The following KCNK2 variants were observed in gnomAD, a reference collection of about 807,000 sequenced individuals.
KCNK2 encodes the protein potassium channel subfamily K member 2.
A neutral mutation model predicts 40.5 loss-of-function variants in KCNK2; 21 were observed. The ratio of observed to expected loss-of-function variants is 0.52; its 90% CI spans 0.37 to 0.75. The LOEUF is 0.75. Among genes scored for constraint, KCNK2 ranks in the 30% least tolerant of loss-of-function variants. KCNK2 has a pLI of 0.00. For missense variants in KCNK2, 399 were observed against 531.6 expected (o/e 0.75, Z 2.45); for synonymous variants, 191 against 202.2 (o/e 0.94, Z 0.47).
chr1:215,122,572 G>C (rs910841381), intron 2 of KCNK2, among the ~76,000 whole-genome samples: 4 of 151,724 alleles, frequency 2.6e-5, no homozygotes, highest in African/African-American at 7.3e-5. Context: ...TTCATGATAA[G>C]GGTTATATAA....
intron 5 of KCNK2, among the ~76,000 whole-genome samples, chr1:215,185,871 A>C (rs1245605483): frequency 6.6e-6 from 1 of 152,222 alleles, no homozygotes; most frequent in African/African-American, 2.4e-5. Flanking sequence ...TGTTATATTG[A>C]ACTTTTCTGA....
At chr1:215,140,138 C>T (rs1662110926) in intron 3 of KCNK2, among the ~76,000 whole-genome samples, 1 of 152,082 alleles carries the variant, frequency 6.6e-6, no homozygotes, top group Admixed American at 6.6e-5. Context: ...TAAACAATGA[C>T]TCAGGTATTA....
At chr1:215,055,730 T>C (rs1658134784) in intron 1 of KCNK2, among the ~76,000 whole-genome samples, 1 of 152,212 alleles carries the variant, frequency 6.6e-6, no homozygotes, top group Non-Finnish European at 1.5e-5. Flanking sequence ...CTGTATCTGG[T>C]AGGAATGTTT....
At chr1:215,029,002 A>G (rs150646724) in intron 1 of KCNK2, among the ~76,000 whole-genome samples, 2,795 of 151,942 alleles carry the variant, frequency 0.018, 40 homozygotes, top group Non-Finnish European at 0.025. Flanking sequence ...AGTTCATAGC[A>G]AAATTCACTG....
intron 2 of KCNK2, among the ~76,000 whole-genome samples, chr1:215,117,556 A>G (rs1661000770): frequency 6.6e-6 from 1 of 152,140 alleles, no homozygotes; most frequent in African/African-American, 2.4e-5. Context: ...TCAAAACACA[A>G]GTACTATTCT....
rs192800444 is a variant in KCNK2, at chr1:215,071,080, T to G, written c.35-15288T>G. 5.9e-5 allele frequency among the ~76,000 whole-genome samples: 9 copies of G among 152,354 alleles called. No individual in the cohort carries two copies. In the East Asian group the frequency reaches 1.2e-3, roughly 20 times the overall value. ...GCTTAATTTTCCTCATCATATCTTG[T>G]TTTTATTTAAATTATAGTTAGCAGA... On this transcript the variant is annotated intron_variant, in intron 1 of 6. Coordinates refer to the KCNK2 transcript ENST00000391895.
chr1:215,110,665 A>T (rs538628343), intron 2 of KCNK2, among the ~76,000 whole-genome samples: 79 of 152,128 alleles, frequency 5.2e-4, no homozygotes, highest in Non-Finnish European at 1.0e-3. Flanking sequence ...ACATTTTTTT[A>T]AAATTTAATA....
rs532125486 is a variant in KCNK2 at position 215,190,427 on chromosome 1, A to G, written c.824-4526A>G. Among the ~76,000 whole-genome samples, 6 of 152,344 alleles carry G rather than the reference A, an allele frequency of 3.9e-5. No individual in the cohort carries two copies. The South Asian group carries it at 1.0e-3, about 26-fold the overall frequency. On this transcript the variant is annotated intron_variant, in intron 5 of 6. Transcript: ENST00000444842. ...GTGGATAAATGATAAGAAGGACAGT[A>G]GGTGACATCATAGGTGACGTGGACC...
chr1:215,070,112 T>C (rs1362430646), intron 1 of KCNK2, among the ~76,000 whole-genome samples: 1 of 152,036 alleles, frequency 6.6e-6, no homozygotes, highest in Non-Finnish European at 1.5e-5. Flanking sequence ...GGGTAATTTA[T>C]ATAGGAAACA....
At chr1:215,209,037 G>C (rs867281555) in intron 6 of KCNK2, among the ~76,000 whole-genome samples, 1 of 151,290 alleles carries the variant, frequency 6.6e-6, no homozygotes, top group African/African-American at 2.4e-5. Context: ...ATGTTGGCCA[G>C]GCTGGTCTCA....
At chr1:215,007,454 G>C (rs1212572063) in intron 1 of KCNK2, among the ~76,000 whole-genome samples, 2 of 151,704 alleles carry the variant, frequency 1.3e-5, no homozygotes, top group Non-Finnish European at 2.9e-5. Flanking sequence ...GTAGCTCTTG[G>C]AGTCAAATTT....
chr1:215,008,221 C>T (rs757682586), intron 1 of KCNK2, among the ~76,000 whole-genome samples: 12 of 151,418 alleles, frequency 7.9e-5, no homozygotes, highest in Admixed American at 4.6e-4. Flanking sequence ...CAAAAGGAAA[C>T]CTGTAGGTTT....
intron 3 of KCNK2, among the ~76,000 whole-genome samples, chr1:215,133,817 G>A (rs1330158353): frequency 6.6e-6 from 1 of 152,088 alleles, no homozygotes; most frequent in Non-Finnish European, 1.5e-5. Context: ...AAATGGAAAG[G>A]AATTCCATAC....
chr1:215,044,610 T>G (rs1261841883), intron 1 of KCNK2, among the ~76,000 whole-genome samples: 3 of 152,132 alleles, frequency 2.0e-5, no homozygotes, highest in African/African-American at 7.2e-5. Context: ...AACCCATTAA[T>G]TGATTTAATT....
intron 6 of KCNK2, among the ~76,000 whole-genome samples, chr1:215,200,663 A>G (rs151156873): frequency 6.6e-6 from 1 of 152,292 alleles, no homozygotes; most frequent in East Asian, 1.9e-4. Flanking sequence ...AGTTATTGCA[A>G]GTATCCAGAT....
At chr1:215,219,504 C>T (rs949288995) in intron 6 of KCNK2, among the ~76,000 whole-genome samples, 1 of 152,044 alleles carries the variant, frequency 6.6e-6, no homozygotes, top group African/African-American at 2.4e-5. Context: ...GAATTGATAC[C>T]CAACATAAGG....
chr1:215,234,232 T>C (rs968241797), intron 6 of KCNK2, among the ~76,000 whole-genome samples: 2 of 152,216 alleles, frequency 1.3e-5, no homozygotes, highest in Non-Finnish European at 2.9e-5. Flanking sequence ...CAAAATATTT[T>C]GTTGCTTAGT....
At chr1:215,207,046 C>T (rs1665342601) in intron 6 of KCNK2, among the ~76,000 whole-genome samples, 1 of 152,154 alleles carries the variant, frequency 6.6e-6, no homozygotes. Context: ...ATCCCCTCCC[C>T]TGTGGTATAG....
At chr1:215,024,840 C>T (rs1173032493) in intron 1 of KCNK2, among the ~76,000 whole-genome samples, 1 of 152,112 alleles carries the variant, frequency 6.6e-6, no homozygotes, top group African/African-American at 2.4e-5. Flanking sequence ...CATCTCCACC[C>T]ACCAGAGCTA....
Sources: gnomAD v4.1 joint callset for allele counts (sites outside exome capture counted in the v4.1 genomes callset) on GRCh38, gnomAD v4.1.1 for gene constraint, MANE v1.5 for transcripts, NCBI Gene and HGNC (gene_info 2026-07-23, HGNC 2026-07-21) for gene names.